Variants in MAN1A2 observed in about 807,000 individuals in gnomAD.
MAN1A2 encodes the protein mannosyl-oligosaccharide 1,2-alpha-mannosidase IB.
Under a neutral mutation model 75.7 loss-of-function variants are expected in MAN1A2, and 26 were observed. The observed-to-expected ratio is 0.34, with a 90% CI of 0.25 to 0.48. MAN1A2 has a LOEUF of 0.48. Ranked by LOEUF, MAN1A2 falls within the 20% of genes least tolerant of loss-of-function variation. The pLI, the probability that MAN1A2 is intolerant of heterozygous loss-of-function variation, is 0.99. For synonymous variants in MAN1A2, 247 were observed against 264.6 expected, an observed-to-expected ratio of 0.93 and a Z score of 0.65; for missense variants, 562 against 775.5, an observed-to-expected ratio of 0.72 and a Z score of 3.27.
chr1:117,494,586 A>G (rs1343205057), intron 9 of MAN1A2: 1 of 152,074 alleles, frequency 6.6e-6, no homozygotes, highest in Non-Finnish European at 1.5e-5. Flanking sequence ...TGAACTTAAT[A>G]TGTGGCTCAC....
rs1652816069 is a variant in MAN1A2 at position 117,367,751 on chromosome 1, T to C, written c.-433T>C. 6.3e-6 allele frequency: 1 copy of C among 159,296 alleles called. No individual in the cohort carries two copies. The highest frequency in any genetic ancestry group is 1.4e-5 in the Non-Finnish European group (1 of 72,918). The allele number at this position is 159,296 out of a possible 1,614,324, so 9.9% of individuals were successfully genotyped here. A position where few individuals can be genotyped will look rare whatever the true frequency, so the allele number is the denominator to read the frequency against. On this transcript the variant is annotated 5_prime_UTR_variant, in exon 1 of 13. Coordinates refer to ENST00000356554, the MANE Select transcript of MAN1A2 (RefSeq NM_006699.5). ...GTTAAGAGATTCTGGAATAGAAGCG[T>C]CGAAGGAGATCAAGTGAACCTTCTA...
intron 8 of MAN1A2, among the ~76,000 whole-genome samples, chr1:117,484,309 A>G (rs1470435955): frequency 6.6e-6 from 1 of 151,972 alleles, no homozygotes; most frequent in African/African-American, 2.4e-5. Context: ...CAAGATGAAT[A>G]GTCTGTGTCA....
At chr1:117,491,146 G>A (rs1028820817) in intron 8 of MAN1A2, among the ~76,000 whole-genome samples, 3 of 151,960 alleles carry the variant, frequency 2.0e-5, no homozygotes, top group Non-Finnish European at 2.9e-5. Flanking sequence ...ATTGATGAAG[G>A]CAGCTACACT....
intron 1 of MAN1A2, among the ~76,000 whole-genome samples, chr1:117,381,817 T>A (rs1653351059): frequency 6.6e-6 from 1 of 152,072 alleles, no homozygotes; most frequent in Non-Finnish European, 1.5e-5. Flanking sequence ...GTAAAAGTAT[T>A]CCTATTTCTC....
Position 117,496,917 on chromosome 1 carries a change from C to G in MAN1A2, c.1439C>G (p.Ala480Gly). 6.2e-7 allele frequency: 1 copy of G among 1,612,546 alleles called. No individual in the cohort carries two copies. The highest frequency in any genetic ancestry group is 8.5e-7 in the Non-Finnish European group (1 of 1,179,156). ...GCAGATGGTTCCAGAGCAGATAAAG[C>G]TGGTCATTATTTAGAGCTAGGGGCA... ...LGADGSRADK[A>G]GHYLELGAEI... The change falls in exon 10 of 13, where the codon GCT (alanine) becomes GGT (glycine). Residue 480 changes from alanine (A) to glycine (G), a missense_variant. Physicochemically the swap from Ala to Gly is moderately conservative, Grantham distance 60. Coordinates refer to ENST00000356554, the MANE Select transcript of MAN1A2 (RefSeq NM_006699.5).
At position 117,522,971 on chromosome 1, in the gene MAN1A2, A is replaced by G. The variant is rs951562204; in HGVS notation, c.*14A>G. 6.2e-7 allele frequency: 1 copy of G among 1,609,856 alleles called. No individual in the cohort carries two copies. The highest frequency in any genetic ancestry group is 8.5e-7 in the Non-Finnish European group (1 of 1,178,126). On this transcript the variant is annotated 3_prime_UTR_variant, in exon 13 of 13. Transcript: ENST00000356554. ...GCTGTTCGATGAAAGCAGTTCCAGA[A>G]GGACCATTCTCACCTGTGTTTTGTT...
At chr1:117,402,896 G>A (rs1309632237) in intron 2 of MAN1A2, among the ~76,000 whole-genome samples, 1 of 152,020 alleles carries the variant, frequency 6.6e-6, no homozygotes. Flanking sequence ...CTATACTGTA[G>A]ATTAAGAACA....
chr1:117,376,941 G>A (rs1480173659), intron 1 of MAN1A2, among the ~76,000 whole-genome samples: 1 of 152,178 alleles, frequency 6.6e-6, no homozygotes, highest in Non-Finnish European at 1.5e-5. Context: ...TTGTACATGG[G>A]TTATATGCAA....
intron 9 of MAN1A2, among the ~76,000 whole-genome samples, chr1:117,495,172 C>T (rs984971042): frequency 6.6e-6 from 1 of 151,744 alleles, no homozygotes; most frequent in East Asian, 2.0e-4. Flanking sequence ...GAATCATCTG[C>T]TATATGTTAT....
intron 6 of MAN1A2, among the ~76,000 whole-genome samples, chr1:117,458,493 A>C (rs1207910808): frequency 2.6e-4 from 19 of 73,908 alleles, no homozygotes; most frequent in East Asian, 2.0e-3. Context: ...AAATATATAT[A>C]TATCTATATA....
chr1:117,374,919 A>G (rs1465499897), intron 1 of MAN1A2, among the ~76,000 whole-genome samples: 1 of 152,182 alleles, frequency 6.6e-6, no homozygotes, highest in Non-Finnish European at 1.5e-5. Context: ...ATCACTTTGG[A>G]AATGACTAAA....
rs370671465 is a variant in MAN1A2, at chr1:117,456,274, A to G, written c.951-4215A>G. On this transcript the variant is annotated intron_variant, in intron 6 of 12. Coordinates refer to ENST00000356554, the MANE Select transcript of MAN1A2 (RefSeq NM_006699.5). ...AACAATATGTTGCCACATAAATGAT[A>G]TCATAGATAAAATATTTACAGTATA... 2.0e-4 allele frequency among the ~76,000 whole-genome samples: 30 copies of G among 152,174 alleles called. No individual in the cohort carries two copies. In the East Asian group the frequency reaches 3.1e-3, roughly 16 times the overall value.
intron 8 of MAN1A2, among the ~76,000 whole-genome samples, chr1:117,488,806 C>T (rs1291953906): frequency 6.6e-6 from 1 of 151,864 alleles, no homozygotes; most frequent in Non-Finnish European, 1.5e-5. Flanking sequence ...TAGCTCTTTT[C>T]CCCCATTTAT....
intron 1 of MAN1A2, among the ~76,000 whole-genome samples, chr1:117,401,172 T>C (rs577677597): frequency 7.0e-4 from 106 of 150,944 alleles, no homozygotes; most frequent in Non-Finnish European, 1.2e-3. Flanking sequence ...TCAGTGATCA[T>C]AAGTCTTTAT....
intron 1 of MAN1A2, 102 bp from the exon 2 acceptor site, chr1:117,402,084 C>A: frequency 8.3e-7 from 1 of 1,203,252 alleles, no homozygotes; most frequent in African/African-American, 1.5e-5. Context: ...AAGTAGAAAA[C>A]AAGTTCCTGG....
chr1:117,456,047 C>T (rs988417861), intron 6 of MAN1A2, among the ~76,000 whole-genome samples: 2 of 152,070 alleles, frequency 1.3e-5, no homozygotes, highest in African/African-American at 4.8e-5. Context: ...AGTGTATTAT[C>T]TGTCAAAAGC....
intron 8 of MAN1A2, 82 bp downstream of exon 8, chr1:117,466,509 T>A: frequency 1.2e-6 from 1 of 862,874 alleles, no homozygotes; most frequent in Non-Finnish European, 1.8e-6. Flanking sequence ...AAAAGTACAC[T>A]ACGTGGAGTT....
At chr1:117,422,960 A>G (rs1424830082) in intron 5 of MAN1A2, among the ~76,000 whole-genome samples, 2 of 152,020 alleles carry the variant, frequency 1.3e-5, no homozygotes, top group South Asian at 2.1e-4. Context: ...TGCATTTGGT[A>G]TTTTGTTTAA....
chr1:117,411,083 G>T (rs958241434), intron 3 of MAN1A2, among the ~76,000 whole-genome samples: 1 of 151,642 alleles, frequency 6.6e-6, no homozygotes, highest in African/African-American at 2.4e-5. Flanking sequence ...CTTTTCTGTA[G>T]AAATTGGCAA....
Sources: gnomAD v4.1 joint callset for allele counts (sites outside exome capture counted in the v4.1 genomes callset) on GRCh38, gnomAD v4.1.1 for gene constraint, MANE v1.5 for transcripts, NCBI Gene and HGNC (gene_info 2026-07-23, HGNC 2026-07-21) for gene names.